SCIN: variants seen among roughly 807,000 people sequenced by gnomAD.
SCIN encodes scinderin, also known as adseverin.
A neutral mutation model predicts 91.8 loss-of-function variants in SCIN; 91 were observed. That is an observed-to-expected ratio of 0.99 (90% confidence interval 0.84 to 1.18). SCIN has a LOEUF of 1.18. Ranked by LOEUF, SCIN falls within the 50% of genes most tolerant of loss-of-function variation. The probability of loss-of-function intolerance (pLI) is 0.00; values close to 1 mark genes in which losing one functional copy is unlikely to be tolerated. For synonymous variants in SCIN, 367 were observed against 312.6 expected, an observed-to-expected ratio of 1.17 and a Z score of -1.84; for missense variants, 1,087 against 863.9, an observed-to-expected ratio of 1.26 and a Z score of -3.24.
chr7:12,649,381 C>CA (rs994851976), intron 13 of SCIN, 86 bp from the exon 14 acceptor site: 62 of 729,612 alleles, frequency 8.5e-5, no homozygotes, highest in South Asian at 1.9e-4. Flanking sequence ...TCACTATACT[C>CA]AAAAAAAATA....
chr7:12,623,937 A>T (rs1783461126), intron 5 of SCIN, among the ~76,000 whole-genome samples: 1 of 152,210 alleles, frequency 6.6e-6, no homozygotes, highest in Admixed American at 6.6e-5. Flanking sequence ...GCTTTTAAAA[A>T]TTACTATTTC....
chr7:12,604,354 AAGC>A (rs1324217299), intron 3 of SCIN, among the ~76,000 whole-genome samples, 157 bp from the exon 4 acceptor site: 1 of 152,154 alleles, frequency 6.6e-6, no homozygotes, highest in Non-Finnish European at 1.5e-5. Context: ...TGCTAACTGA[AAGC>A]AGCAGGATGC....
Position 12,654,677 on chromosome 7 carries a change from CGAT to C in SCIN, c.*1964_*1966del, listed in dbSNP as rs919919238. 3 of 152,062 alleles carry C rather than the reference CGAT, an allele frequency of 2.0e-5. No individual in the cohort carries two copies. Among genetic ancestry groups the C allele is most frequent in the Non-Finnish European group, 2.9e-5 (2 of 67,982 alleles). 9.4% of individuals were successfully genotyped at this position (152,062 alleles called of 1,614,324 possible). ...GTGGCTTAGGGTACACTGTATTTTA[CGAT>C]GTTTCTCTAGTTTAGCCAGTGGTTT... On this transcript the variant is annotated 3_prime_UTR_variant, in exon 16 of 16. Transcript: ENST00000297029.
rs1302213613 is a variant in SCIN at position 12,640,529 on chromosome 7, C to T, written c.1581+12C>T. The T allele has an allele frequency of 6.3e-7, 1 of 1,598,122 alleles. No individual in the cohort carries two copies. Among genetic ancestry groups the T allele is most frequent in the Admixed American group, 1.7e-5 (1 of 57,696 alleles). ...CCAGAATTGTGGAGGTAATGTCATG[C>T]ATTCCATAAAACATGCCCTAGTTAT... On this transcript the variant is annotated intron_variant, in intron 11 of 15. Transcript: ENST00000297029.
chr7:12,624,510 G>A (rs1008305422), intron 5 of SCIN, among the ~76,000 whole-genome samples: 4 of 152,164 alleles, frequency 2.6e-5, no homozygotes, highest in Non-Finnish European at 5.9e-5. Context: ...TTAACAAAGC[G>A]ACTGGTATAT....
At chr7:12,597,652 A>T (rs1782871822) in intron 3 of SCIN, among the ~76,000 whole-genome samples, 1 of 152,234 alleles carries the variant, frequency 6.6e-6, no homozygotes, top group Admixed American at 6.5e-5. Context: ...CTGATTTTCA[A>T]GACCAATAAT....
At chr7:12,632,510 A>C (rs979835640) in intron 9 of SCIN, among the ~76,000 whole-genome samples, 12 of 152,124 alleles carry the variant, frequency 7.9e-5, no homozygotes, top group African/African-American at 2.9e-4. Context: ...CAGGAAGACC[A>C]CTGGGAATGT....
chr7:12,629,153 G>T lies in SCIN; in HGVS notation c.1250G>T (p.Gly417Val). 1 of 1,613,136 alleles carries T rather than the reference G, an allele frequency of 6.2e-7. No individual in the cohort carries two copies. The highest frequency in any genetic ancestry group is 8.5e-7 in the Non-Finnish European group (1 of 1,179,374). ...GRIQVDQNSYGEFYGGDCYII... is the reference protein window; with the variant it reads ...GRIQVDQNSYVEFYGGDCYII... Reference sequence around the variant, plus strand: ...ATCCAAGTTGACCAAAACTCATATGGTGAATTCTATGGTGGTGACTGCTAC... The same window carrying T: ...ATCCAAGTTGACCAAAACTCATATGTTGAATTCTATGGTGGTGACTGCTAC... The change falls in exon 9 of 16, where the codon GGT becomes GTT. Residue 417 changes from glycine to valine, a missense_variant. Gly to Val is a moderately radical substitution (Grantham distance 109). Transcript: ENST00000297029.
At position 12,584,247 on chromosome 7, in the gene SCIN, A is replaced by C. The variant is rs548601016; in HGVS notation, c.516+3026A>C. ...ATAGTAGTAATTGCGCTAGTTATCC[A>C]AAGACAACCTTCTGCATCAGAGAGC... On this transcript the variant is annotated intron_variant, in intron 3 of 15. Coordinates refer to ENST00000297029, the MANE Select transcript of SCIN (RefSeq NM_001112706.3). 1.1e-3 allele frequency among the ~76,000 whole-genome samples: 173 copies of C among 152,338 alleles called. 1 individual carries two copies. Among genetic ancestry groups the C allele is most frequent in the South Asian group, 1.0e-2 (48 of 4,824 alleles).
At chr7:12,623,048 G>A (rs1783442424) in intron 5 of SCIN, among the ~76,000 whole-genome samples, 155 bp downstream of exon 5, 1 of 151,542 alleles carries the variant, frequency 6.6e-6, no homozygotes, top group South Asian at 2.1e-4. Context: ...GCTCTTGTAT[G>A]TTTTTTTAAT....
intron 12 of SCIN, 92 bp from the exon 13 acceptor site, chr7:12,644,492 G>A (rs913949938): frequency 1.3e-6 from 2 of 1,527,232 alleles, no homozygotes; most frequent in African/African-American, 2.8e-5. Flanking sequence ...TCTCAACACT[G>A]AAATCAAGGT....
Position 12,635,973 on chromosome 7 carries a change from G to A in SCIN, c.1320-72G>A. On this transcript the variant is annotated intron_variant, in intron 9 of 15. Transcript: ENST00000297029. The stretch of plus-strand genomic sequence containing the variant: ...TGATCTTTCATAATAACTTGTCTCT[G>A]CTTGCAATGCCTACATGTGACGATC... The A allele has an allele frequency of 3.8e-6, 4 of 1,044,980 alleles. No homozygotes were observed. In the Admixed American group the frequency reaches 8.0e-5, roughly 21 times the overall value. 64.7% of individuals were successfully genotyped at this position (1,044,980 alleles called of 1,614,324 possible). A position where few individuals can be genotyped will look rare whatever the true frequency, so the allele number is the denominator to read the frequency against.
chr7:12,648,659 A>C (rs571622284), intron 13 of SCIN, among the ~76,000 whole-genome samples: 83 of 152,250 alleles, frequency 5.5e-4, no homozygotes, highest in Non-Finnish European at 9.1e-4. Context: ...TCAGACCATA[A>C]ACTCAAATGT....
chr7:12,640,517 G>A lies in SCIN; in HGVS notation c.1581G>A (p.Glu527=). ...TGGCATCTATCACCAGAATTGTGGA[G>A]GTAATGTCATGCATTCCATAAAACA... ...RNLASITRIV[E]VDVDANSLNS... is the part of the protein sequence containing the mutation. The change falls in exon 11 of 16, where the codon GAG becomes GAA. Residue 527 remains glutamate (E), a splice_region_variant and synonymous_variant. Transcript: ENST00000297029. 1 of 1,606,268 alleles carries A rather than the reference G, an allele frequency of 6.2e-7. No individual in the cohort carries two copies. The highest frequency in any genetic ancestry group is 1.1e-5 in the South Asian group (1 of 89,736).
intron 3 of SCIN, among the ~76,000 whole-genome samples, chr7:12,591,739 G>A (rs1782727658): frequency 6.6e-6 from 1 of 152,156 alleles, no homozygotes; most frequent in African/African-American, 2.4e-5. Context: ...CTAGCCCTGG[G>A]AAGGAAAGGA....
At chr7:12,639,303 T>G (rs980503679) in intron 10 of SCIN, among the ~76,000 whole-genome samples, 1 of 152,262 alleles carries the variant, frequency 6.6e-6, no homozygotes, top group African/African-American at 2.4e-5. Flanking sequence ...GACAAAACGT[T>G]TCCATAATTT....
At chr7:12,652,423 A>C (rs1050163155) in intron 15 of SCIN, among the ~76,000 whole-genome samples, 165 bp from the exon 16 acceptor site, 2 of 152,228 alleles carry the variant, frequency 1.3e-5, no homozygotes, top group Non-Finnish European at 2.9e-5. Flanking sequence ...TATTACTTTG[A>C]TTTGAAGAAT....
chr7:12,651,915 A>G lies in SCIN; in HGVS notation c.2020+14A>G, dbSNP rs1207764997. 6.3e-7 allele frequency: 1 copy of G among 1,581,600 alleles called. No homozygotes were observed. ...CTCTGAAGTCTGGTAAGCTCAATCG[A>G]TGGACCATTATAGCAGTAACCGGGC... On this transcript the variant is annotated intron_variant, in intron 15 of 15. Transcript: ENST00000297029. The surrounding 1 kb of genome is among the most constrained non-coding windows in gnomAD (Gnocchi z 5.9).
chr7:12,628,799 T>G (rs1483830940), intron 8 of SCIN, among the ~76,000 whole-genome samples: 2 of 152,140 alleles, frequency 1.3e-5, no homozygotes, highest in African/African-American at 4.8e-5. Context: ...ATCTTGCAGT[T>G]TTTTATTCCA....
Sources: allele counts gnomAD v4.1 joint callset (sites outside exome capture counted in the v4.1 genomes callset), GRCh38; gene constraint gnomAD v4.1.1; non-coding constraint Gnocchi (gnomAD v3.1); transcripts MANE v1.5; gene names NCBI Gene and HGNC (gene_info 2026-07-23, HGNC 2026-07-21).